SLC16A3: variants seen among roughly 807,000 people sequenced by gnomAD.
The protein encoded by SLC16A3 is solute carrier family 16 member 3.
A neutral mutation model predicts 25.0 loss-of-function variants in SLC16A3; 22 were observed. That is an observed-to-expected ratio of 0.88 (90% confidence interval 0.63 to 1.26). The LOEUF is 1.26. SLC16A3 is among the 50% of genes most tolerant of loss of function. The pLI is 0.00. For synonymous variants in SLC16A3, 390 were observed against 309.2 expected, an observed-to-expected ratio of 1.26 and a Z score of -2.74; for missense variants, 731 against 666.6, an observed-to-expected ratio of 1.10 and a Z score of -1.06.
rs1379366273 is a variant in SLC16A3, at chr17:82,238,866, C to T, written c.1288C>T (p.His430Tyr). 6.2e-7 allele frequency: 1 copy of T among 1,611,820 alleles called. No homozygotes were observed. Among genetic ancestry groups the T allele is most frequent in the Non-Finnish European group, 8.5e-7 (1 of 1,179,134 alleles). ...GGCGGCCGCGGAGGAGGAGAAGCTCCACAAGCCTCCTGCAGACTCGGGGGT... is the reference window on the plus strand; with the variant it reads ...GGCGGCCGCGGAGGAGGAGAAGCTCTACAAGCCTCCTGCAGACTCGGGGGT... ...EVAAAEEEKL[H>Y]KPPADSGVDL... is the part of the protein sequence containing the mutation. Residue 430 changes from histidine (H) to tyrosine (Y), a missense_variant, in exon 5 of 5, where the codon CAC becomes TAC. Coordinates refer to ENST00000582743, the MANE Select transcript of SLC16A3 (RefSeq NM_004207.4).
At chr17:82,234,432 C>T (rs1451095166) in intron 1 of SLC16A3, 1 of 152,228 alleles carries the variant, frequency 6.6e-6, no homozygotes, top group African/African-American at 2.4e-5. Flanking sequence ...GGACCTCTGG[C>T]TCTGTGGGGG....
chr17:82,221,170 C>G (rs1322634323), intron 1 of SLC16A3, among the ~76,000 whole-genome samples: 1 of 152,098 alleles, frequency 6.6e-6, no homozygotes, highest in African/African-American at 2.4e-5. Flanking sequence ...AACAAAGATA[C>G]AATTTTGTGC....
At chr17:82,220,223 G>C (rs2147105644) in intron 1 of SLC16A3, among the ~76,000 whole-genome samples, 1 of 152,304 alleles carries the variant, frequency 6.6e-6, no homozygotes, top group South Asian at 2.1e-4. Flanking sequence ...AAGGAAGGCT[G>C]TTCCTCCCCC....
At chr17:82,233,202 C>T (rs2050528505) in intron 1 of SLC16A3, among the ~76,000 whole-genome samples, 1 of 152,218 alleles carries the variant, frequency 6.6e-6, no homozygotes, top group African/African-American at 2.4e-5. Flanking sequence ...AGCCCCTGGA[C>T]ACCAGGCTGG....
rs759112557 is a variant in SLC16A3 at position 82,238,717 on chromosome 17, C to A, written c.1139C>A (p.Ala380Glu). The A allele has an allele frequency of 6.2e-7, 1 of 1,609,982 alleles. No individual in the cohort carries two copies. The highest frequency in any genetic ancestry group is 8.5e-7 in the Non-Finnish European group (1 of 1,178,698). Reference sequence around the variant, plus strand: ...CTTCCCGCAGGCAAACTCCTGGATGCGACCCACGTCTACATGTACGTGTTC... The same window carrying A: ...CTTCCCGCAGGCAAACTCCTGGATGAGACCCACGTCTACATGTACGTGTTC... The part of the protein sequence containing the change: ...GPPSGGKLLD[A>E]THVYMYVFIL... The change falls in exon 5 of 5, where the codon GCG becomes GAG. Residue 380 changes from alanine to glutamate, a missense_variant. Coordinates refer to ENST00000582743, the MANE Select transcript of SLC16A3 (RefSeq NM_004207.4).
chr17:82,231,059 T>C (rs1322437068), intron 1 of SLC16A3: 1 of 152,112 alleles, frequency 6.6e-6, no homozygotes, highest in Non-Finnish European at 1.5e-5. Flanking sequence ...CGCCGGCAAT[T>C]ACGGTAGCGT....
At chr17:82,235,899 C>T in intron 1 of SLC16A3, 84 bp from the exon 2 acceptor site, 3 of 909,808 alleles carry the variant, frequency 3.3e-6, no homozygotes, top group Non-Finnish European at 5.0e-6. Flanking sequence ...AGCTGCCGGG[C>T]CACCCAGCTC....
At chr17:82,219,530 G>A (rs1046800471) in intron 1 of SLC16A3, among the ~76,000 whole-genome samples, 6 of 151,906 alleles carry the variant, frequency 3.9e-5, no homozygotes, top group Non-Finnish European at 5.9e-5. Context: ...TGGGCCTGCT[G>A]TGTCTCTGGA....
upstream of SLC16A3, among the ~76,000 whole-genome samples, chr17:82,228,003 C>A (rs964888527): frequency 6.6e-6 from 1 of 152,218 alleles, no homozygotes; most frequent in Admixed American, 6.5e-5. Context: ...CTGGAGGGGT[C>A]CTCCATTGAT....
intron 1 of SLC16A3, among the ~76,000 whole-genome samples, chr17:82,220,686 C>G (rs2050383685): frequency 6.6e-6 from 1 of 152,034 alleles, no homozygotes; most frequent in South Asian, 2.1e-4. Flanking sequence ...AACTGGATAT[C>G]CACATGCAAA....
At chr17:82,235,236 CAAGA>C (rs386799958) in intron 1 of SLC16A3, 12,340 of 152,764 alleles carry the variant, frequency 0.081, 1,444 homozygotes, top group African/African-American at 0.26. Flanking sequence ...TGGGGTGAGT[CAAGA>C]TCTCACTGGA....
At chr17:82,218,180 C>T (rs2050366741) in exon 1 of SLC16A3, among the ~76,000 whole-genome samples, 1 of 152,190 alleles carries the variant, frequency 6.6e-6, no homozygotes, top group Non-Finnish European at 1.5e-5. Flanking sequence ...CTCTGGGTAA[C>T]CCTGGTGAGT....
In SLC16A3 at chr17:82,239,910, C is replaced by T. The variant is rs768575150; in HGVS notation, c.*934C>T. 5.0e-6 allele frequency: 5 copies of T among 996,002 alleles called. No individual in the cohort carries two copies. The highest frequency in any genetic ancestry group is 6.5e-6 in the Non-Finnish European group (5 of 771,516). The allele number at this position is 996,002 out of a possible 1,614,324, so 61.7% of individuals were successfully genotyped here. A position where few individuals can be genotyped will look rare whatever the true frequency, so the allele number is the denominator to read the frequency against. On this transcript the variant is annotated 3_prime_UTR_variant, in exon 5 of 5. Transcript: ENST00000582743. The stretch of plus-strand genomic sequence containing the variant: ...TGGGCTTGTCCTGGACACCTAACAC[C>T]CACCTGCCCTCGTGGCCAGCAGTGG...
At chr17:82,223,488 CTATT>C (rs1157615950), upstream of SLC16A3, among the ~76,000 whole-genome samples, 1 of 151,974 alleles carries the variant, frequency 6.6e-6, no homozygotes, top group Non-Finnish European at 1.5e-5. Context: ...TGCGCCTGGA[CTATT>C]TATTTATTTA....
Position 82,237,519 on chromosome 17 carries a change from T to TG in SLC16A3, c.750dup (p.Ser251GlufsTer24). The TG allele has an allele frequency of 6.2e-7, 1 of 1,611,632 alleles. No individual in the cohort carries two copies. The highest frequency in any genetic ancestry group is 8.5e-7 in the Non-Finnish European group (1 of 1,179,390). The stretch of plus-strand genomic sequence containing the variant: ...CTCTTCGTCCCGCCCGTGTTCGTGG[T>TG]GAGCTACGCCAAGGACCTGGGCGTG... On this transcript the variant is annotated frameshift_variant, in exon 4 of 5. Coordinates refer to ENST00000582743, the MANE Select transcript of SLC16A3 (RefSeq NM_004207.4). LOFTEE classifies it high-confidence loss of function.
rs538255799 is a variant in SLC16A3 at position 82,237,889 on chromosome 17, G to A, written c.1119G>A (p.Ser373=). ...EAVAVLVGPP[S]GGKLLDATHV... ...TGGCCGTGCTCGTCGGGCCCCCTTC[G>A]GGAGGTGAGCGCTGCGCCCCCAGGC... The change falls in exon 4 of 5, where the codon TCG becomes TCA. Residue 373 remains serine (S), a synonymous_variant. Coordinates refer to ENST00000582743, the MANE Select transcript of SLC16A3 (RefSeq NM_004207.4). 29 of 1,598,182 alleles carry A rather than the reference G, an allele frequency of 1.8e-5. No homozygotes were observed. The East Asian group carries it at 2.2e-4, about 12-fold the overall frequency.
chr17:82,232,276 C>CTT (rs1302072659), intron 1 of SLC16A3: 1 of 152,432 alleles, frequency 6.6e-6, no homozygotes, highest in Non-Finnish European at 1.5e-5. Flanking sequence ...CAGGCCACTG[C>CTT]ACGGACCCAG....
intron 1 of SLC16A3, among the ~76,000 whole-genome samples, chr17:82,220,413 G>A (rs2050382021): frequency 6.6e-6 from 1 of 152,176 alleles, no homozygotes; most frequent in African/African-American, 2.4e-5. Flanking sequence ...GCCCCTGCCT[G>A]GCACACCCAC....
Position 82,238,137 on chromosome 17 carries a change from G to C in SLC16A3, c.1123+244G>C, listed in dbSNP as rs368251242. On this transcript the variant is annotated intron_variant, in intron 4 of 4. Coordinates refer to ENST00000582743, the MANE Select transcript of SLC16A3 (RefSeq NM_004207.4). Reference sequence around the variant, plus strand: ...GGGTGGCTAGGGGCTGGGCCCGGGGGGGGGCAGCTCCTCCAGGCTCTGCCT... The same window carrying C: ...GGGTGGCTAGGGGCTGGGCCCGGGGCGGGGCAGCTCCTCCAGGCTCTGCCT... Among the ~76,000 whole-genome samples, 32 of 152,366 alleles carry C rather than the reference G, an allele frequency of 2.1e-4. 1 individual carries two copies. The highest frequency in any genetic ancestry group is 1.9e-3 in the East Asian group (10 of 5,182).
Sources: allele counts gnomAD v4.1 joint callset (sites outside exome capture counted in the v4.1 genomes callset), GRCh38; gene constraint gnomAD v4.1.1; transcripts MANE v1.5; gene names NCBI Gene and HGNC (gene_info 2026-07-23, HGNC 2026-07-21).